The following GPC5 variants were observed in gnomAD, a reference collection of about 807,000 sequenced individuals.
GPC5 encodes glypican-5.
A neutral mutation model predicts 53.9 loss-of-function variants in GPC5; 47 were observed. The observed-to-expected ratio is 0.87, with a 90% confidence interval of 0.69 to 1.11. GPC5 has a LOEUF of 1.11. GPC5 is among the 50% of genes most tolerant of loss of function. The probability of loss-of-function intolerance (pLI) is 0.00; values close to 1 mark genes in which losing one functional copy is unlikely to be tolerated. For synonymous variants in GPC5, 286 were observed against 263.3 expected, an observed-to-expected ratio of 1.09 and a Z score of -0.84; for missense variants, 748 against 713.1, an observed-to-expected ratio of 1.05 and a Z score of -0.56.
intron 3 of GPC5, among the ~76,000 whole-genome samples, chr13:91,723,237 G>A (rs879896673): frequency 6.7e-6 from 1 of 150,044 alleles, no homozygotes; most frequent in African/African-American, 2.5e-5. Flanking sequence ...CTCCTTTTTT[G>A]TGGGGTGGGG....
chr13:92,287,388 G>T (rs1228046010), intron 7 of GPC5, among the ~76,000 whole-genome samples: 1 of 152,086 alleles, frequency 6.6e-6, no homozygotes, highest in Non-Finnish European at 1.5e-5. Flanking sequence ...TGCTTACAAG[G>T]TTTTTCAAGC....
At chr13:92,495,938 A>G (rs764651619) in intron 7 of GPC5, among the ~76,000 whole-genome samples, 7 of 151,996 alleles carry the variant, frequency 4.6e-5, no homozygotes, top group African/African-American at 7.2e-5. Flanking sequence ...GCTAACTCCA[A>G]TGGTTTGCTT....
intron 2 of GPC5, among the ~76,000 whole-genome samples, chr13:91,502,111 ATTTG>A (rs755941654): frequency 4.6e-5 from 7 of 151,882 alleles, no homozygotes; most frequent in Admixed American, 6.6e-5. Flanking sequence ...TTTCTTGTAA[ATTTG>A]TTTGAGTTCA....
chr13:91,654,949 T>C (rs972827194), intron 2 of GPC5, among the ~76,000 whole-genome samples: 4 of 152,308 alleles, frequency 2.6e-5, no homozygotes, highest in Admixed American at 6.5e-5. Context: ...GCAATAATTT[T>C]CTTATGTATT....
At chr13:92,533,366 T>C (rs1471350392) in intron 7 of GPC5, among the ~76,000 whole-genome samples, 3 of 152,164 alleles carry the variant, frequency 2.0e-5, no homozygotes, top group Non-Finnish European at 4.4e-5. Flanking sequence ...TTTACTTTTT[T>C]CCTAAATCTT....
chr13:92,390,714 G>T (rs954316709), intron 7 of GPC5, among the ~76,000 whole-genome samples: 2 of 152,006 alleles, frequency 1.3e-5, no homozygotes, highest in Non-Finnish European at 2.9e-5. Context: ...GTATGTATGT[G>T]TGTGGCCAAA....
At chr13:91,644,155 A>C (rs1271666292) in intron 2 of GPC5, among the ~76,000 whole-genome samples, 2 of 152,144 alleles carry the variant, frequency 1.3e-5, no homozygotes, top group Admixed American at 6.5e-5. Context: ...CTCACATTAT[A>C]TTTCTATAGT....
intron 7 of GPC5, among the ~76,000 whole-genome samples, chr13:92,557,875 G>T (rs1233562547): frequency 6.6e-6 from 1 of 151,928 alleles, no homozygotes; most frequent in African/African-American, 2.4e-5. Flanking sequence ...AGAGAGCTGG[G>T]ACTCTGCATC....
intron 7 of GPC5, among the ~76,000 whole-genome samples, chr13:92,830,612 A>T (rs1219305213): frequency 6.6e-6 from 1 of 152,144 alleles, no homozygotes; most frequent in African/African-American, 2.4e-5. Flanking sequence ...TACTTAAAGC[A>T]TGGGATTTTT....
intron 7 of GPC5, among the ~76,000 whole-genome samples, chr13:92,237,622 T>G (rs1349918750): frequency 2.0e-5 from 3 of 152,220 alleles, no homozygotes; most frequent in Non-Finnish European, 2.9e-5. Context: ...GTATTTCTTG[T>G]GTAGGTGTTT....
chr13:91,557,143 T>C (rs2031003558), intron 2 of GPC5, among the ~76,000 whole-genome samples: 1 of 152,104 alleles, frequency 6.6e-6, no homozygotes, highest in African/African-American at 2.4e-5. Flanking sequence ...TTTTCCATAG[T>C]GGCTGCACCA....
At chr13:92,717,018 A>C (rs1018959057) in intron 7 of GPC5, among the ~76,000 whole-genome samples, 5 of 152,116 alleles carry the variant, frequency 3.3e-5, no homozygotes, top group Admixed American at 1.3e-4. Flanking sequence ...CAGGCACAAT[A>C]AACAGAGAGG....
At chr13:92,677,972 G>T (rs1012046516) in intron 7 of GPC5, among the ~76,000 whole-genome samples, 2 of 152,152 alleles carry the variant, frequency 1.3e-5, no homozygotes, top group Admixed American at 6.6e-5. Flanking sequence ...TCCTGCCAAA[G>T]CTTCCCTCAA....
chr13:91,869,744 G>C (rs542813726), intron 5 of GPC5, among the ~76,000 whole-genome samples: 34 of 152,284 alleles, frequency 2.2e-4, no homozygotes, highest in African/African-American at 8.2e-4. Context: ...TCTGCAGGCT[G>C]TACAGGAGGG....
At chr13:92,467,520 T>C (rs1480431776) in intron 7 of GPC5, among the ~76,000 whole-genome samples, 1 of 152,178 alleles carries the variant, frequency 6.6e-6, no homozygotes, top group East Asian at 1.9e-4. Context: ...GTCACTGTTC[T>C]ACACATTTTT....
rs114424243 is a variant in GPC5 at position 92,450,921 on chromosome 13, G to A, written c.1561+305932G>A. 7.1e-3 allele frequency among the ~76,000 whole-genome samples: 1,086 copies of A among 152,284 alleles called. 17 individuals are homozygous for A. The highest frequency in any genetic ancestry group is 0.025 in the African/African-American group (1,040 of 41,570). The stretch of plus-strand genomic sequence containing the variant: ...TGAGTTATTGAGGGAAAACTAAAAT[G>A]AGATAAGAAAGGTAAAGGTTTTAGC... On this transcript the variant is annotated intron_variant, in intron 7 of 7. Transcript: ENST00000377067.
chr13:92,054,169 T>A (rs1191392988), intron 6 of GPC5, among the ~76,000 whole-genome samples: 1 of 151,302 alleles, frequency 6.6e-6, no homozygotes, highest in Non-Finnish European at 1.5e-5. Context: ...TGTGTGTGTG[T>A]GTGTGTGTGT....
intron 2 of GPC5, among the ~76,000 whole-genome samples, chr13:91,526,459 A>G (rs978086054): frequency 6.6e-5 from 10 of 152,184 alleles, no homozygotes; most frequent in Non-Finnish European, 1.0e-4. Flanking sequence ...ATAAGAAAAA[A>G]CAGGTATCAG....
chr13:92,149,212 C>A (rs1277782155), intron 7 of GPC5, among the ~76,000 whole-genome samples: 2 of 151,950 alleles, frequency 1.3e-5, no homozygotes, highest in Non-Finnish European at 2.9e-5. Flanking sequence ...GAATTCAGTT[C>A]TCAAACCTTT....
Sources: gnomAD v4.1 joint callset for allele counts (sites outside exome capture counted in the v4.1 genomes callset) on GRCh38, gnomAD v4.1.1 for gene constraint, MANE v1.5 for transcripts, NCBI Gene and HGNC (gene_info 2026-07-23, HGNC 2026-07-21) for gene names.